Variants in SEZ6L observed in about 807,000 individuals in gnomAD.
SEZ6L encodes the protein seizure 6-like protein.
Under a neutral mutation model 106.2 loss-of-function variants are expected in SEZ6L, and 37 were observed. The ratio of observed to expected loss-of-function variants is 0.35; its 90% CI spans 0.27 to 0.46. The LOEUF (loss-of-function observed/expected upper bound fraction) is 0.46. SEZ6L is among the 20% of genes least tolerant of loss of function. SEZ6L has a pLI of 1.00. For synonymous variants in SEZ6L, 541 were observed against 570.4 expected (o/e 0.95, Z 0.73); for missense variants, 1,172 against 1,332.8 (o/e 0.88, Z 1.88).
At chr22:26,214,243 C>T (rs555583727) in intron 1 of SEZ6L, among the ~76,000 whole-genome samples, 1 of 152,230 alleles carries the variant, frequency 6.6e-6, no homozygotes, top group Non-Finnish European at 1.5e-5. Flanking sequence ...CCTAGAGCAG[C>T]TCACTTCACC....
intron 9 of SEZ6L, among the ~76,000 whole-genome samples, chr22:26,320,914 G>A (rs2082136719): frequency 6.6e-6 from 1 of 152,124 alleles, no homozygotes; most frequent in Admixed American, 6.5e-5. Context: ...ACAATGCACA[G>A]GACAGTCCCC....
rs1296774304 is a variant in SEZ6L at position 26,311,779 on chromosome 22, G to C, written c.1693G>C (p.Gly565Arg). ...FNIRFEAFEK[G>R]HCYEPYIQNG... ...TTTCCCTTCCTCAGCGTTTGAGAAA[G>C]GCCACTGCTATGAGCCCTACATCCA... The change falls in exon 8 of 17, where the codon GGC becomes CGC. Residue 565 changes from glycine (G) to arginine (R), a missense_variant. This residue lies in a region of SEZ6L where 534 missense variants were observed against 691.0 expected (regional missense o/e 0.77). Transcript: ENST00000248933. The C allele has an allele frequency of 1.2e-6, 2 of 1,613,984 alleles. No homozygotes were observed. Among genetic ancestry groups the C allele is most frequent in the Middle Eastern group, 3.3e-4 (2 of 6,058 alleles).
At chr22:26,329,462 CA>C (rs1368866617) in intron 9 of SEZ6L, among the ~76,000 whole-genome samples, 1 of 151,692 alleles carries the variant, frequency 6.6e-6, no homozygotes, top group African/African-American at 2.4e-5. Flanking sequence ...AGTGAAACAC[CA>C]TCTTTAAAAA....
At chr22:26,344,419 T>C (rs577545665) in intron 10 of SEZ6L, among the ~76,000 whole-genome samples, 1 of 152,334 alleles carries the variant, frequency 6.6e-6, no homozygotes, top group East Asian at 1.9e-4. Flanking sequence ...CCTCCAAGTC[T>C]AGGATAATAA....
Position 26,297,032 on chromosome 22 carries a change from C to T in SEZ6L, c.1114C>T (p.Arg372Trp), listed in dbSNP as rs753580054. The T allele has an allele frequency of 2.5e-6, 4 of 1,614,042 alleles. No homozygotes were observed. Among genetic ancestry groups the T allele is most frequent in the African/African-American group, 1.3e-5 (1 of 75,034 alleles). The change falls in exon 4 of 17, where the codon CGG (arginine) becomes TGG (tryptophan). Residue 372 changes from arginine (R) to tryptophan (W), a missense_variant. Coordinates refer to ENST00000248933, the MANE Select transcript of SEZ6L (RefSeq NM_021115.5). Reference protein sequence around the residue: ...SPTNTISVYFRTFQDDGLGTF... With the variant: ...SPTNTISVYFWTFQDDGLGTF... ...CACCAACACCATCTCCGTCTACTTC[C>T]GGACCTTCCAGGACGACGGCCTTGG...
chr22:26,189,869 G>A (rs1022580348), intron 1 of SEZ6L, among the ~76,000 whole-genome samples: 14 of 152,188 alleles, frequency 9.2e-5, no homozygotes, highest in Admixed American at 4.6e-4. Flanking sequence ...AGGCCGAGGC[G>A]GGCGGGTCAC....
At chr22:26,214,039 C>T (rs1172780006) in intron 1 of SEZ6L, among the ~76,000 whole-genome samples, 1 of 152,214 alleles carries the variant, frequency 6.6e-6, no homozygotes, top group Non-Finnish European at 1.5e-5. Flanking sequence ...GGCCTCTGTC[C>T]ACACATTGCT....
At position 26,292,937 on chromosome 22, in the gene SEZ6L, C is replaced by T; in HGVS notation, c.626C>T (p.Pro209Leu). 1.9e-6 allele frequency: 3 copies of T among 1,614,184 alleles called. No homozygotes were observed. Among genetic ancestry groups the T allele is most frequent in the Non-Finnish European group, 1.7e-6 (2 of 1,180,024 alleles). Residue 209 changes from proline (P) to leucine (L), a missense_variant, in exon 2 of 17, where the codon CCC becomes CTC. Pro to Leu is a moderately conservative substitution (Grantham distance 98). This residue lies in a region of SEZ6L where 494 missense variants were observed against 445.8 expected (regional missense o/e 1.11). Coordinates refer to ENST00000248933, the MANE Select transcript of SEZ6L (RefSeq NM_021115.5). The stretch of plus-strand genomic sequence containing the variant: ...CAAATCTCCCCCTTCACTTCGCAGC[C>T]CTATGTGGCCCACACACTCCCCCAG... ...PLQISPFTSQ[P>L]YVAHTLPQRP...
At chr22:26,286,465 A>C (rs1267065045) in intron 1 of SEZ6L, among the ~76,000 whole-genome samples, 1 of 152,252 alleles carries the variant, frequency 6.6e-6, no homozygotes, top group Non-Finnish European at 1.5e-5. Context: ...CAGGGCCTCC[A>C]TCTTAGTGCC....
chr22:26,193,711 G>C (rs1280955160), intron 1 of SEZ6L, among the ~76,000 whole-genome samples: 1 of 152,018 alleles, frequency 6.6e-6, no homozygotes, highest in Non-Finnish European at 1.5e-5. Context: ...TATGCTTCTT[G>C]AGTCTCCATG....
At chr22:26,333,828 T>C (rs1043468367) in intron 9 of SEZ6L, among the ~76,000 whole-genome samples, 5 of 152,066 alleles carry the variant, frequency 3.3e-5, no homozygotes. Context: ...TAGTGAATCA[T>C]GGAAGGCTGA....
chr22:26,262,810 C>T (rs2080058839), intron 1 of SEZ6L, among the ~76,000 whole-genome samples: 1 of 152,024 alleles, frequency 6.6e-6, no homozygotes, highest in African/African-American at 2.4e-5. Context: ...AACCTTGGTC[C>T]CTAAAGGGAG....
At chr22:26,320,433 C>T (rs1033125884) in intron 9 of SEZ6L, among the ~76,000 whole-genome samples, 4 of 152,226 alleles carry the variant, frequency 2.6e-5, no homozygotes, top group African/African-American at 4.8e-5. Context: ...AGTGTCATCC[C>T]GGGGCCTTAG....
chr22:26,254,402 A>T (rs1169365301), intron 1 of SEZ6L, among the ~76,000 whole-genome samples: 1 of 152,092 alleles, frequency 6.6e-6, no homozygotes, highest in African/African-American at 2.4e-5. Context: ...GCAGAAACGG[A>T]GAGCAGGAAG....
chr22:26,310,455 G>C (rs1483994397), intron 6 of SEZ6L, among the ~76,000 whole-genome samples: 5 of 152,192 alleles, frequency 3.3e-5, no homozygotes, highest in Non-Finnish European at 1.5e-5. Flanking sequence ...AGAATCACTT[G>C]AACCTGGGAG....
intron 2 of SEZ6L, among the ~76,000 whole-genome samples, 151 bp from the exon 3 acceptor site, chr22:26,294,138 CATG>C (rs2081224563): frequency 6.6e-6 from 1 of 152,164 alleles, no homozygotes; most frequent in African/African-American, 2.4e-5. Flanking sequence ...TTTTTATTAT[CATG>C]TCAATTCTGG....
At chr22:26,255,951 G>A (rs912131336) in intron 1 of SEZ6L, among the ~76,000 whole-genome samples, 5 of 152,226 alleles carry the variant, frequency 3.3e-5, no homozygotes, top group African/African-American at 9.6e-5. Context: ...GAGCACATGA[G>A]TGGGGTTTAG....
Position 26,169,747 on chromosome 22 carries a change from G to A in SEZ6L, c.78G>A (p.Ala26=). Reference sequence around the variant, plus strand: ...TCGCTCTGCTCCTGGGGAGCCCGGCGGCAGCGCTGGAGCGAGGTAAGCGCC... The same window carrying A: ...TCGCTCTGCTCCTGGGGAGCCCGGCAGCAGCGCTGGAGCGAGGTAAGCGCC... The part of the protein sequence containing the change: ...LFLALLLGSP[A]AALERDALPE... Residue 26 remains alanine, a synonymous_variant, in exon 1 of 17, where the codon GCG becomes GCA. Coordinates refer to ENST00000248933, the MANE Select transcript of SEZ6L (RefSeq NM_021115.5). 4 of 1,258,870 alleles carry A rather than the reference G, an allele frequency of 3.2e-6. No individual in the cohort carries two copies. Among genetic ancestry groups the A allele is most frequent in the Non-Finnish European group, 3.0e-6 (3 of 1,002,814 alleles). 78.0% of individuals were successfully genotyped at this position (1,258,870 alleles called of 1,614,324 possible).
chr22:26,245,270 T>C (rs1408678640), intron 1 of SEZ6L, among the ~76,000 whole-genome samples: 1 of 152,120 alleles, frequency 6.6e-6, no homozygotes, highest in African/African-American at 2.4e-5. Flanking sequence ...CCTGTGGACC[T>C]TGAAGCCAGC....
Sources: allele counts gnomAD v4.1 joint callset (sites outside exome capture counted in the v4.1 genomes callset), GRCh38; gene constraint gnomAD v4.1.1; regional missense constraint gnomAD v4.1.1; transcripts MANE v1.5; gene names NCBI Gene and HGNC (gene_info 2026-07-23, HGNC 2026-07-21).